IL3RA: variants seen among roughly 807,000 people sequenced by gnomAD.
IL3RA encodes interleukin-3 receptor subunit alpha.
IL3RA carries 73 observed loss-of-function variants against 52.3 expected under a neutral mutation model. The ratio of observed to expected loss-of-function variants is 1.40; its 90% confidence interval spans 1.16 to 1.70. IL3RA has a LOEUF of 1.70. Ranked by LOEUF, IL3RA falls within the 40% of genes most tolerant of loss-of-function variation. The pLI, the probability that IL3RA is intolerant of heterozygous loss-of-function variation, is 0.00. For synonymous variants in IL3RA, 260 were observed against 194.0 expected, an observed-to-expected ratio of 1.34 and a Z score of -2.83; for missense variants, 664 against 504.4, an observed-to-expected ratio of 1.32 and a Z score of -3.03.
rs375001788 is a variant in IL3RA, at chrX:1,352,464, G to C, written c.574G>C (p.Gly192Arg). The part of the protein sequence containing the change: ...ILVRGRSAAF[G>R]IPCTDKFVVF... ...GGTGCGGGGCAGGAGCGCAGCCTTC[G>C]GTATCCCCTGCACAGATAAGTTTGT... Residue 192 changes from glycine to arginine, a missense_variant, in exon 6 of 12, where the codon GGT (glycine) becomes CGT (arginine). Gly to Arg is a moderately radical substitution (Grantham distance 125). Coordinates refer to ENST00000331035, the MANE Select transcript of IL3RA (RefSeq NM_002183.4). The C allele has an allele frequency of 6.2e-7, 1 of 1,613,632 alleles. No individual in the cohort carries two copies. Among genetic ancestry groups the C allele is most frequent in the Non-Finnish European group, 8.5e-7 (1 of 1,179,844 alleles).
chrX:1,378,047 G>C (rs1266062676), intron 9 of IL3RA, among the ~76,000 whole-genome samples: 1 of 151,088 alleles, frequency 6.6e-6, no homozygotes, highest in Admixed American at 6.6e-5. Context: ...TTACCCGGGC[G>C]TGGTGGCGGG....
chrX:1,348,098 G>T (rs2085847939), intron 3 of IL3RA, among the ~76,000 whole-genome samples: 1 of 149,290 alleles, frequency 6.7e-6, no homozygotes, highest in Non-Finnish European at 1.5e-5. Flanking sequence ...TGTAATCCCA[G>T]CACTTTGGGA....
intron 3 of IL3RA, among the ~76,000 whole-genome samples, chrX:1,346,682 C>A (rs1248837101): frequency 6.6e-6 from 1 of 150,402 alleles, no homozygotes; most frequent in Non-Finnish European, 1.5e-5. Context: ...TCACGAAATC[C>A]TTCCAAATCC....
intron 9 of IL3RA, among the ~76,000 whole-genome samples, chrX:1,368,742 G>A (rs1383429570): frequency 6.7e-6 from 1 of 149,486 alleles, no homozygotes; most frequent in Non-Finnish European, 1.5e-5. Flanking sequence ...AAGCCCAGGA[G>A]AGGGGCCTCA....
rs188731627 is a variant in IL3RA at position 1,363,901 on chromosome X, G to C, written c.760-1237G>C. ...GGTCAGCTCATTTAAAAAAAAATTTGGCTGGGCGCGGTGGCTCACGCTGGT... is the reference window on the plus strand; with the variant it reads ...GGTCAGCTCATTTAAAAAAAAATTTCGCTGGGCGCGGTGGCTCACGCTGGT... On this transcript the variant is annotated intron_variant, in intron 8 of 11. Coordinates refer to ENST00000331035, the MANE Select transcript of IL3RA (RefSeq NM_002183.4). 6.3e-3 allele frequency among the ~76,000 whole-genome samples: 957 copies of C among 151,218 alleles called. 2 individuals are homozygous for C. Among genetic ancestry groups the C allele is most frequent in the Middle Eastern group, 0.01 (3 of 292 alleles).
intron 8 of IL3RA, among the ~76,000 whole-genome samples, chrX:1,364,765 G>T (rs1182475722): frequency 6.6e-6 from 1 of 151,274 alleles, no homozygotes; most frequent in Admixed American, 6.6e-5. Flanking sequence ...GGCATAAACC[G>T]TAGCACCCAG....
intron 7 of IL3RA, among the ~76,000 whole-genome samples, chrX:1,356,675 G>A (rs1280646900): frequency 1.6e-4 from 25 of 151,982 alleles, no homozygotes; most frequent in African/African-American, 5.3e-4. Context: ...GGGAGGCCGA[G>A]GCAGGAGAAT....
chrX:1,349,653 TTTTTG>T (rs201496989), intron 4 of IL3RA, among the ~76,000 whole-genome samples: 5,059 of 151,644 alleles, frequency 0.033, 300 homozygotes, highest in African/African-American at 0.12. Context: ...ATGGTTTATT[TTTTTG>T]TTTTGTTTTG....
rs1443544858 is a variant in IL3RA, at chrX:1,353,660, T to C, written c.616+1154T>C. Among the ~76,000 whole-genome samples the C allele has an allele frequency of 4.4e-4, 15 of 33,710 alleles. 2 individuals are homozygous for C. The highest frequency in any genetic ancestry group is 3.5e-3 in the Admixed American group (11 of 3,118). 22.1% of individuals were successfully genotyped at this position (33,710 alleles called of 152,430 possible). A position where few individuals can be genotyped will look rare whatever the true frequency, so the allele number is the denominator to read the frequency against. Reference sequence around the variant, plus strand: ...CCATCATGGGTTCCATCACGGGTCATGGGACCCCCCCCATCATGGGTTCCA... The same window carrying C: ...CCATCATGGGTTCCATCACGGGTCACGGGACCCCCCCCATCATGGGTTCCA... On this transcript the variant is annotated intron_variant, in intron 6 of 11. Coordinates refer to ENST00000331035, the MANE Select transcript of IL3RA (RefSeq NM_002183.4).
intron 10 of IL3RA, among the ~76,000 whole-genome samples, chrX:1,379,645 C>T (rs1160314809): frequency 6.6e-6 from 1 of 152,252 alleles, no homozygotes; most frequent in African/African-American, 2.4e-5. Context: ...AAAGGCCAGG[C>T]TTTCTGGTCG....
chrX:1,348,642 T>C (rs868820686), intron 4 of IL3RA, 97 bp downstream of exon 4: 27 of 601,210 alleles, frequency 4.5e-5, no homozygotes, highest in East Asian at 1.5e-4. Context: ...TCTTTTCTTT[T>C]TCTCTTTCTT....
chrX:1,353,292 A>ACC (rs2086251354), intron 6 of IL3RA, among the ~76,000 whole-genome samples: 1 of 140,214 alleles, frequency 7.1e-6, no homozygotes, highest in African/African-American at 2.8e-5. Context: ...GGGTCATGGG[A>ACC]CCCCCTATCA....
At position 1,341,745 on chromosome X, in the gene IL3RA, C is replaced by T. The variant is rs766530254; in HGVS notation, c.-21C>T. 5.0e-6 allele frequency: 8 copies of T among 1,613,436 alleles called. No homozygotes were observed. Among genetic ancestry groups the T allele is most frequent in the South Asian group, 1.1e-5 (1 of 91,046 alleles). On this transcript the variant is annotated 5_prime_UTR_variant, in exon 2 of 12. Transcript: ENST00000331035. ...TCCTGCAGCAGGCACCTCTGTCCTG[C>T]GTTCCGGAGCTGCGTTCCCGATGGT...
intron 10 of IL3RA, among the ~76,000 whole-genome samples, chrX:1,380,730 G>GT (rs1351062418): frequency 6.6e-6 from 1 of 150,690 alleles, no homozygotes; most frequent in Non-Finnish European, 1.5e-5. Context: ...CCTGCAAGCT[G>GT]TCTCAGGTCG....
intron 7 of IL3RA, among the ~76,000 whole-genome samples, chrX:1,356,939 G>A (rs1297688164): frequency 1.3e-5 from 2 of 151,946 alleles, no homozygotes; most frequent in Admixed American, 1.3e-4. Flanking sequence ...CAGTTCGTTG[G>A]ATCAGTTGAA....
chrX:1,348,349 G>C (rs1325909670), intron 3 of IL3RA, 82 bp from the exon 4 acceptor site: 5 of 1,107,842 alleles, frequency 4.5e-6, no homozygotes, highest in Non-Finnish European at 6.9e-6. Context: ...GCGAAACTCT[G>C]CCTCAAAAAA....
At chrX:1,367,788 A>C (rs1262812253) in intron 9 of IL3RA, among the ~76,000 whole-genome samples, 1 of 127,542 alleles carries the variant, frequency 7.8e-6, no homozygotes, top group Non-Finnish European at 1.7e-5. Flanking sequence ...GCGCGGGCTG[A>C]GCGGGGTGCG....
At chrX:1,348,738 CTT>C (rs2085933804) in intron 4 of IL3RA, among the ~76,000 whole-genome samples, 193 bp downstream of exon 4, 3 of 133,344 alleles carry the variant, frequency 2.2e-5, no homozygotes, top group Non-Finnish European at 4.8e-5. Flanking sequence ...CTTTTTCTTT[CTT>C]TCTTTCCTTC....
chrX:1,348,961 TTC>T (rs764879062), intron 4 of IL3RA, among the ~76,000 whole-genome samples: 17 of 145,324 alleles, frequency 1.2e-4, no homozygotes, highest in Non-Finnish European at 1.8e-4. Context: ...CTCCTTCCCT[TTC>T]TCTCTCTCTC....
Sources: allele counts gnomAD v4.1 joint callset (sites outside exome capture counted in the v4.1 genomes callset), GRCh38; gene constraint gnomAD v4.1.1; transcripts MANE v1.5; gene names NCBI Gene and HGNC (gene_info 2026-07-23, HGNC 2026-07-21).